COL18A1: variants seen among roughly 807,000 people sequenced by gnomAD.
COL18A1 encodes the protein collagen alpha-1(XVIII) chain.
Under a neutral mutation model 168.0 loss-of-function variants are expected in COL18A1, and 133 were observed. The observed-to-expected ratio is 0.79, with a 90% confidence interval of 0.69 to 0.91. COL18A1 has a LOEUF of 0.91. COL18A1 is among the 40% of genes least tolerant of loss of function. COL18A1 has a pLI of 0.00. For missense variants in COL18A1, 2,126 were observed against 1,925.4 expected (o/e 1.10, Z -1.95); for synonymous variants, 949 against 809.0 (o/e 1.17, Z -2.94).
At chr21:45,506,110 A>G in intron 37 of COL18A1, 144 bp downstream of exon 37, 1 of 1,279,012 alleles carries the variant, frequency 7.8e-7, no homozygotes, top group East Asian at 2.4e-5. Flanking sequence ...AACTTTTGGT[A>G]AAGTTTAGTA....
chr21:45,510,382 GCCTAGGCTGGCGACTTCAGGGCAGGCT>G, intron 40 of COL18A1, 121 bp downstream of exon 40: 1 of 1,153,754 alleles, frequency 8.7e-7, no homozygotes, highest in Admixed American at 2.0e-5. Flanking sequence ...AGACACTGGC[GCCTAGGCTGGCGACTTCAGGGCAGGCT>G]CCGGGTGGGT....
At chr21:45,512,076 C>G (rs2037643648) in intron 41 of COL18A1, 112 bp from the exon 42 acceptor site, 2 of 1,199,258 alleles carry the variant, frequency 1.7e-6, no homozygotes, top group South Asian at 2.6e-5. Context: ...CTCTGCAGCC[C>G]CCTGGTAACC....
At chr21:45,411,778 A>AGGGGGGGGGGGGGGGGGG (rs1569273645) in intron 2 of COL18A1, among the ~76,000 whole-genome samples, 11 of 108,318 alleles carry the variant, frequency 1.0e-4, no homozygotes, top group Admixed American at 2.1e-4. Flanking sequence ...GGGGGGGGGC[A>AGGGGGGGGGGGGGGGGGG]GGCTGTGGTC....
At chr21:45,489,543 A>G in intron 19 of COL18A1, 22 bp downstream of exon 19, 2 of 1,562,090 alleles carry the variant, frequency 1.3e-6, no homozygotes, top group Non-Finnish European at 1.7e-6. Context: ...GCCCGGGTTC[A>G]GGGACGTGGC....
chr21:45,418,384 A>G (rs1029282448), intron 2 of COL18A1, among the ~76,000 whole-genome samples: 1 of 151,742 alleles, frequency 6.6e-6, no homozygotes, highest in East Asian at 1.9e-4. Flanking sequence ...TGCTGGGCTC[A>G]TTCTTCCCAC....
intron 2 of COL18A1, among the ~76,000 whole-genome samples, chr21:45,447,560 C>G (rs1029291957): frequency 3.9e-5 from 6 of 152,120 alleles, no homozygotes; most frequent in Admixed American, 3.9e-4. Context: ...GATTGGAAGA[C>G]AGAATACTCC....
At chr21:45,508,112 CGGGTGAGTGGACGGGTGGGT>C (rs1288596554) in intron 38 of COL18A1, among the ~76,000 whole-genome samples, 2 of 100,264 alleles carry the variant, frequency 2.0e-5, no homozygotes, top group African/African-American at 3.9e-5. Flanking sequence ...GGTGGTCAGG[CGGGTGAGTGGACGGGTGGGT>C]GGGTGGATGG....
chr21:45,439,600 C>T (rs2034312066), intron 2 of COL18A1, among the ~76,000 whole-genome samples: 1 of 146,386 alleles, frequency 6.8e-6, no homozygotes. Context: ...GACGGAAGCG[C>T]GTCGCGCGGG....
chr21:45,411,759 C>CGGGGGGG (rs1437966551), intron 2 of COL18A1, among the ~76,000 whole-genome samples: 1 of 7,564 alleles, frequency 1.3e-4, no homozygotes, highest in Non-Finnish European at 2.5e-4. Flanking sequence ...GGGCTGATGG[C>CGGGGGGG]GGGGGGTGGG....
rs766401100 is a variant in COL18A1 at position 45,505,174 on chromosome 21, C to T, written c.2909C>T (p.Pro970Leu). ...AGCATCCGGGGCCAGCCCGGCCCAC[C>T]TGGACCTCAGGGACCCCCCGGCATC... is the stretch of plus-strand genomic sequence containing the variant. ...GESIRGQPGP[P>L]GPQGPPGIGY... Residue 970 changes from proline (P) to leucine (L), a missense_variant, in exon 35 of 42, where the codon CCT becomes CTT. Physicochemically the swap from Pro to Leu is moderately conservative, Grantham distance 98. Coordinates refer to ENST00000651438, the MANE Select transcript of COL18A1 (RefSeq NM_001379500.1). 2 of 1,607,228 alleles carry T rather than the reference C, an allele frequency of 1.2e-6. No individual in the cohort carries two copies. Among genetic ancestry groups the T allele is most frequent in the East Asian group, 2.2e-5 (1 of 44,624 alleles).
rs201476017 is a variant in COL18A1, at chr21:45,482,807, G to A, written c.1687G>A (p.Ala563Thr). ...GQKGSLGEAGAPGHKGSKGAP... is the reference protein window; with the variant it reads ...GQKGSLGEAGTPGHKGSKGAP... Reference sequence around the variant, plus strand: ...CTTTTCCGTACAGGGTGAAGCAGGCGCCCCAGGACATAAGGTACAAGCAGA... The same window carrying A: ...CTTTTCCGTACAGGGTGAAGCAGGCACCCCAGGACATAAGGTACAAGCAGA... The change falls in exon 15 of 42, where the codon GCC becomes ACC. Residue 563 changes from alanine to threonine, a missense_variant. Ala to Thr is a moderately conservative substitution (Grantham distance 58, BLOSUM62 0). Transcript: ENST00000651438. 900 of 1,614,152 alleles carry A rather than the reference G, an allele frequency of 5.6e-4. No individual in the cohort carries two copies. The highest frequency in any genetic ancestry group is 6.5e-4 in the Non-Finnish European group (767 of 1,180,016).
rs192436568 is a variant in COL18A1, at chr21:45,457,169, C to T, written c.107-11073C>T. On this transcript the variant is annotated intron_variant, in intron 2 of 41. Transcript: ENST00000651438. This position sits in a 1 kb window ranked among gnomAD's most constrained non-coding sequence, Gnocchi z 4.6. ...GCGCATTTAGTCCTCAGCACGGTCC[C>T]GAGATACCCTGCCATGCCCCGAGTC... 1.2e-3 allele frequency among the ~76,000 whole-genome samples: 181 copies of T among 152,288 alleles called. No individual in the cohort carries two copies. Among genetic ancestry groups the T allele is most frequent in the African/African-American group, 4.1e-3 (171 of 41,558 alleles).
chr21:45,464,380 C>G (rs1190181354), intron 2 of COL18A1, among the ~76,000 whole-genome samples: 1 of 152,194 alleles, frequency 6.6e-6, no homozygotes, highest in African/African-American at 2.4e-5. Context: ...AGACTCCAGC[C>G]ACACATGAGA....
rs1415092991 is a variant in COL18A1, at chr21:45,473,621, G to T, written c.652-274G>T. On this transcript the variant is annotated intron_variant, in intron 3 of 41. Transcript: ENST00000651438. This position sits in a 1 kb window ranked among gnomAD's most constrained non-coding sequence, Gnocchi z 4.0. ...GTTCTAAACCCGTAGCCCTCAGGTG[G>T]CCCATCAGCTGCCTCAGATGAGCCA... Among the ~76,000 whole-genome samples, 1 of 152,124 alleles carries T rather than the reference G, an allele frequency of 6.6e-6. No homozygotes were observed. Among genetic ancestry groups the T allele is most frequent in the Non-Finnish European group, 1.5e-5 (1 of 68,014 alleles).
At chr21:45,450,879 C>A (rs562597741) in intron 2 of COL18A1, among the ~76,000 whole-genome samples, 162 of 152,366 alleles carry the variant, frequency 1.1e-3, no homozygotes, top group African/African-American at 3.8e-3. Context: ...CAGTGGTGAG[C>A]CCTCGATGGC....
rs200299380 is a variant in COL18A1, at chr21:45,505,213, G to A, written c.2948G>A (p.Arg983His). The A allele has an allele frequency of 1.6e-3, 2,486 of 1,600,036 alleles. 5 individuals carry two copies. Among genetic ancestry groups the A allele is most frequent in the Admixed American group, 1.9e-3 (113 of 58,530 alleles). The part of the protein sequence containing the change: ...QGPPGIGYEG[R>H]QGPPGPPGPP... The stretch of plus-strand genomic sequence containing the variant: ...CCCCCCGGCATCGGCTACGAGGGGC[G>A]CCAGGGCCCTCCCGGCCCCCCAGGC... The change falls in exon 35 of 42, where the codon CGC becomes CAC. Residue 983 changes from arginine to histidine, a missense_variant. Coordinates refer to ENST00000651438, the MANE Select transcript of COL18A1 (RefSeq NM_001379500.1).
chr21:45,477,445 G>C lies in COL18A1; in HGVS notation c.963G>C (p.Thr321=), dbSNP rs778100248. Residue 321 remains threonine, a synonymous_variant, in exon 7 of 42, where the codon ACG becomes ACC. Transcript: ENST00000651438. ...TTCCTGGCTCAGATTCTGTCTCCAC[G>C]TGGGACGGGAGTGTCCGGACCCCTG... ...QTLPGSDSVS[T]WDGSVRTPGG... The C allele has an allele frequency of 1.2e-6, 2 of 1,612,976 alleles. No homozygotes were observed. Among genetic ancestry groups the C allele is most frequent in the Non-Finnish European group, 1.7e-6 (2 of 1,179,646 alleles).
At chr21:45,494,760 G>T in intron 27 of COL18A1, 102 bp from the exon 28 acceptor site, 2 of 1,288,954 alleles carry the variant, frequency 1.6e-6, no homozygotes, top group East Asian at 5.0e-5. Context: ...GGTGGCCCAG[G>T]GTGCTGTGCT....
chr21:45,494,881 G>A lies in COL18A1; in HGVS notation c.2399G>A (p.Gly800Glu), dbSNP rs545705836. Reference sequence around the variant, plus strand: ...TTGCAGGGTCCATACGGACGGCCGGGGTACAAGGGAGAGATTGGCTTTCCT... The same window carrying A: ...TTGCAGGGTCCATACGGACGGCCGGAGTACAAGGGAGAGATTGGCTTTCCT... The part of the protein sequence containing the change: ...RGPPGPYGRP[G>E]YKGEIGFPGR... Residue 800 changes from glycine (G) to glutamate (E), a missense_variant, in exon 28 of 42, where the codon GGG becomes GAG. Gly to Glu is a moderately conservative substitution (Grantham distance 98). Coordinates refer to ENST00000651438, the MANE Select transcript of COL18A1 (RefSeq NM_001379500.1). 2 of 1,610,720 alleles carry A rather than the reference G, an allele frequency of 1.2e-6. No individual in the cohort carries two copies. Among genetic ancestry groups the A allele is most frequent in the South Asian group, 1.1e-5 (1 of 90,628 alleles).
Sources: gnomAD v4.1 joint callset for allele counts (sites outside exome capture counted in the v4.1 genomes callset) on GRCh38, gnomAD v4.1.1 for gene constraint, Gnocchi (gnomAD v3.1) non-coding constraint, MANE v1.5 for transcripts, NCBI Gene and HGNC (gene_info 2026-07-23, HGNC 2026-07-21) for gene names.